CSMD1: variants seen among roughly 807,000 people sequenced by gnomAD.
CSMD1 encodes CUB and sushi domain-containing protein 1.
Under a neutral mutation model 417.5 loss-of-function variants are expected in CSMD1, and 213 were observed. That is an observed-to-expected ratio of 0.51 (90% CI 0.46 to 0.57). CSMD1 has a LOEUF of 0.57. CSMD1 is among the 20% of genes least tolerant of loss of function. The pLI is 0.00. For missense variants in CSMD1, 6,923 were observed against 4,529.7 expected, an observed-to-expected ratio of 1.53 and a Z score of -15.17; for synonymous variants, 2,862 against 1,736.8, an observed-to-expected ratio of 1.65 and a Z score of -16.11.
rs376371063 is a variant in CSMD1, at chr8:4,916,178, T to A, written c.85+78154A>T. 1.2e-3 allele frequency among the ~76,000 whole-genome samples: 186 copies of A among 152,130 alleles called. 1 individual carries two copies. The highest frequency in any genetic ancestry group is 4.3e-3 in the African/African-American group (180 of 41,488). ...AATGTTTTTATAAAAGAAAGTAGAG[T>A]CCTCTCCATGGGAGCATTGTGAGGC... is the stretch of plus-strand genomic sequence containing the variant. On this transcript the variant is annotated intron_variant, in intron 1 of 69. Transcript: ENST00000635120.
intron 3 of CSMD1, among the ~76,000 whole-genome samples, chr8:4,058,039 A>C (rs995287557): frequency 4.6e-5 from 7 of 151,396 alleles, no homozygotes; most frequent in African/African-American, 1.7e-4. Context: ...TTCCATATGA[A>C]TTTTAAAGTA....
intron 18 of CSMD1, among the ~76,000 whole-genome samples, chr8:3,384,822 T>C (rs1810888027): frequency 8.1e-6 from 1 of 123,338 alleles, no homozygotes; most frequent in South Asian, 2.3e-4. Context: ...AATATATAAT[T>C]AAATAAAATA....
chr8:4,944,798 T>C (rs910979024), intron 1 of CSMD1, among the ~76,000 whole-genome samples: 4 of 152,100 alleles, frequency 2.6e-5, no homozygotes, highest in Non-Finnish European at 5.9e-5. Context: ...GCACTCTTGG[T>C]GGGAATGCAA....
intron 10 of CSMD1, among the ~76,000 whole-genome samples, chr8:3,549,157 C>A (rs1387091954): frequency 6.6e-6 from 1 of 152,196 alleles, no homozygotes; most frequent in Non-Finnish European, 1.5e-5. Context: ...TGGGTGTCTG[C>A]AAACTACAGC....
chr8:3,917,919 T>C (rs1206138680), intron 5 of CSMD1, among the ~76,000 whole-genome samples: 2 of 151,938 alleles, frequency 1.3e-5, no homozygotes, highest in African/African-American at 4.9e-5. Flanking sequence ...TCTCAGTGTG[T>C]TTTTTAAGCA....
chr8:4,453,419 C>G (rs920592547), intron 2 of CSMD1, among the ~76,000 whole-genome samples: 6 of 152,210 alleles, frequency 3.9e-5, no homozygotes, highest in East Asian at 1.9e-4. Context: ...CCAGAAGACA[C>G]TGGACAGTTA....
At chr8:4,823,558 G>C (rs779397299) in intron 1 of CSMD1, among the ~76,000 whole-genome samples, 1 of 152,056 alleles carries the variant, frequency 6.6e-6, no homozygotes, top group Non-Finnish European at 1.5e-5. Flanking sequence ...AGCCCTCGTA[G>C]TATATGAGCC....
intron 40 of CSMD1, 57 bp from the exon 41 acceptor site, chr8:3,142,731 G>C (rs1818581188): frequency 2.1e-6 from 3 of 1,402,432 alleles, no homozygotes; most frequent in Non-Finnish European, 3.0e-6. Context: ...TAAAATCAAT[G>C]CTCATAAAAA....
intron 3 of CSMD1, among the ~76,000 whole-genome samples, chr8:4,300,026 G>A (rs1422060627): frequency 1.3e-5 from 2 of 152,160 alleles, no homozygotes; most frequent in African/African-American, 4.8e-5. Flanking sequence ...TTTGTATAAA[G>A]AGGCCACAAA....
intron 2 of CSMD1, among the ~76,000 whole-genome samples, chr8:4,433,854 T>A (rs1314037375): frequency 1.3e-5 from 2 of 152,208 alleles, no homozygotes; most frequent in East Asian, 3.9e-4. Flanking sequence ...AAGACTGGAA[T>A]CTAAAGCACA....
chr8:3,924,068 C>T (rs569230443), intron 5 of CSMD1, among the ~76,000 whole-genome samples: 2 of 152,152 alleles, frequency 1.3e-5, no homozygotes, highest in Non-Finnish European at 2.9e-5. Flanking sequence ...GCGTTTCTTG[C>T]AGGGTATATC....
intron 1 of CSMD1, among the ~76,000 whole-genome samples, chr8:4,743,903 C>G (rs961772890): frequency 6.6e-6 from 1 of 152,188 alleles, no homozygotes; most frequent in Non-Finnish European, 1.5e-5. Context: ...TCCAGCCAAG[C>G]CGATTAAAGC....
chr8:3,751,441 A>G (rs1240070709), intron 6 of CSMD1, among the ~76,000 whole-genome samples: 1 of 148,204 alleles, frequency 6.7e-6, no homozygotes, highest in African/African-American at 2.4e-5. Flanking sequence ...TACAGTTTAT[A>G]CATATAAATG....
At chr8:3,927,764 G>C (rs1223855420) in intron 5 of CSMD1, among the ~76,000 whole-genome samples, 1 of 152,080 alleles carries the variant, frequency 6.6e-6, no homozygotes, top group Non-Finnish European at 1.5e-5. Context: ...CGTATAAGCA[G>C]AACACTAAGA....
chr8:4,892,243 C>G (rs1200056723), intron 1 of CSMD1, among the ~76,000 whole-genome samples: 2 of 152,050 alleles, frequency 1.3e-5, no homozygotes, highest in Non-Finnish European at 2.9e-5. Context: ...TAGTGCTCTT[C>G]TAAAATGGTA....
intron 1 of CSMD1, among the ~76,000 whole-genome samples, chr8:4,879,683 T>A (rs1194710801): frequency 1.3e-5 from 2 of 151,760 alleles, no homozygotes; most frequent in East Asian, 3.9e-4. Context: ...AGCAGGAGAA[T>A]CGGGAGAGGT....
intron 1 of CSMD1, among the ~76,000 whole-genome samples, chr8:4,942,107 T>C (rs902076105): frequency 2.0e-5 from 3 of 152,162 alleles, no homozygotes; most frequent in African/African-American, 7.2e-5. Context: ...CATTCCACAA[T>C]TCCTAAATAT....
chr8:3,511,327 T>C (rs1053794575), intron 10 of CSMD1, among the ~76,000 whole-genome samples: 2 of 151,622 alleles, frequency 1.3e-5, no homozygotes, highest in Admixed American at 1.3e-4. Context: ...TGTGTATACC[T>C]ATGTAACAAA....
chr8:3,196,583 C>G (rs748503155), intron 33 of CSMD1, among the ~76,000 whole-genome samples: 6 of 152,086 alleles, frequency 3.9e-5, no homozygotes, highest in Admixed American at 6.5e-5. Context: ...CTTTTCATGC[C>G]AGCTTCTCAC....
Sources: gnomAD v4.1 joint callset for allele counts (sites outside exome capture counted in the v4.1 genomes callset) on GRCh38, gnomAD v4.1.1 for gene constraint, MANE v1.5 for transcripts, NCBI Gene and HGNC (gene_info 2026-07-23, HGNC 2026-07-21) for gene names.